Variants in USP43 observed in about 807,000 individuals in gnomAD.
The protein encoded by USP43 is ubiquitin specific peptidase 43, also known as ubiquitin carboxyl-terminal hydrolase 43.
USP43 carries 33 observed loss-of-function variants against 90.7 expected under a neutral mutation model. The ratio of observed to expected loss-of-function variants is 0.36; its 90% CI spans 0.28 to 0.49. The LOEUF (loss-of-function observed/expected upper bound fraction) is 0.49. Ranked by LOEUF, USP43 falls within the 20% of genes least tolerant of loss-of-function variation. The pLI is 0.98. For missense variants in USP43, 1,274 were observed against 1,476.4 expected, an observed-to-expected ratio of 0.86 and a Z score of 2.25; for synonymous variants, 598 against 615.8, an observed-to-expected ratio of 0.97 and a Z score of 0.43.
At chr17:9,718,922 G>T (rs1169995589) in intron 14 of USP43, among the ~76,000 whole-genome samples, 1 of 151,902 alleles carries the variant, frequency 6.6e-6, no homozygotes. Flanking sequence ...GACTTGTCCT[G>T]GCTGGACATT....
In USP43 at chr17:9,659,028, C is replaced by T. The variant is rs535257022; in HGVS notation, c.636+2494C>T. Among the ~76,000 whole-genome samples, 7 of 152,250 alleles carry T rather than the reference C, an allele frequency of 4.6e-5. No individual in the cohort carries two copies. In the East Asian group the frequency reaches 1.3e-3, roughly 29 times the overall value. Reference sequence around the variant, plus strand: ...AAGAATGGAATATTCTAATTGGGTGCAGCTGGGTTGCATGCCTGTGGGGGT... The same window carrying T: ...AAGAATGGAATATTCTAATTGGGTGTAGCTGGGTTGCATGCCTGTGGGGGT... On this transcript the variant is annotated intron_variant, in intron 2 of 14. Coordinates refer to ENST00000285199, the MANE Select transcript of USP43 (RefSeq NM_153210.5).
rs1022843265 is a variant in USP43 at position 9,646,010 on chromosome 17, C to G, written c.378C>G (p.Ala126=). 2.0e-6 allele frequency: 3 copies of G among 1,486,444 alleles called. No homozygotes were observed. The highest frequency in any genetic ancestry group is 2.6e-5 in the South Asian group (2 of 76,644). 92.1% of individuals were successfully genotyped at this position (1,486,444 alleles called of 1,614,324 possible). The change falls in exon 1 of 15, where the codon GCC becomes GCG. Residue 126 remains alanine, a synonymous_variant. Coordinates refer to ENST00000285199, the MANE Select transcript of USP43 (RefSeq NM_153210.5). ...VQCLSNTDLL[A]EFLALGRYRA... ...GTCTCAGCAACACCGACCTGCTGGC[C>G]GAGTTCCTGGCGCTGGGGCGCTACC... is the stretch of plus-strand genomic sequence containing the variant.
intron 5 of USP43, among the ~76,000 whole-genome samples, chr17:9,679,860 A>T (rs955976816): frequency 6.6e-6 from 1 of 151,860 alleles, no homozygotes; most frequent in Non-Finnish European, 1.5e-5. Context: ...TTTGGTAAAA[A>T]TTTTTTTTAT....
rs1326815655 is a variant in USP43, at chr17:9,674,872, C to G, written c.741-19C>G. ...TTTACGTGTGATTAAACGTTCGCCTCTGTTCTTCACCCTCACAGATCTTCC... is the reference window on the plus strand; with the variant it reads ...TTTACGTGTGATTAAACGTTCGCCTGTGTTCTTCACCCTCACAGATCTTCC... On this transcript the variant is annotated intron_variant, in intron 3 of 14. Coordinates refer to ENST00000285199, the MANE Select transcript of USP43 (RefSeq NM_153210.5). The surrounding 1 kb of genome is among the most constrained non-coding windows in gnomAD (Gnocchi z 4.4). 6.2e-7 allele frequency: 1 copy of G among 1,609,164 alleles called. No homozygotes were observed.
At chr17:9,683,187 C>A (rs569581876) in intron 7 of USP43, among the ~76,000 whole-genome samples, 1 of 152,286 alleles carries the variant, frequency 6.6e-6, no homozygotes, top group Non-Finnish European at 1.5e-5. Flanking sequence ...ATCGGAGGAA[C>A]AATTTTTACT....
chr17:9,661,916 G>A (rs945158372), intron 2 of USP43, among the ~76,000 whole-genome samples: 1 of 152,134 alleles, frequency 6.6e-6, no homozygotes, highest in African/African-American at 2.4e-5. Flanking sequence ...ACCGACCTGA[G>A]CTGACTCCAA....
rs1430686960 is a variant in USP43, at chr17:9,729,180, G to A, written c.*190G>A. 2 of 449,068 alleles carry A rather than the reference G, an allele frequency of 4.5e-6. No individual in the cohort carries two copies. The highest frequency in any genetic ancestry group is 7.4e-6 in the Non-Finnish European group (2 of 270,822). 27.8% of individuals were successfully genotyped at this position (449,068 alleles called of 1,614,324 possible). On this transcript the variant is annotated 3_prime_UTR_variant, in exon 15 of 15. Transcript: ENST00000285199. Reference sequence around the variant, plus strand: ...ACACCCAAGGTCCATATAACCCAAGGTCGAAAACCTTCCTGCATCATTGGG... The same window carrying A: ...ACACCCAAGGTCCATATAACCCAAGATCGAAAACCTTCCTGCATCATTGGG...
At chr17:9,645,481 GC>G (rs1008508743), upstream of USP43, 57 of 726,586 alleles carry the variant, frequency 7.8e-5, no homozygotes, top group African/African-American at 9.3e-4. This position sits in a 1 kb window ranked among gnomAD's most constrained non-coding sequence, Gnocchi z 6.8. Context: ...GGGCGGGGCT[GC>G]CCCGCCCTTG....
At chr17:9,658,352 A>G (rs1048246720) in intron 2 of USP43, among the ~76,000 whole-genome samples, 1 of 152,096 alleles carries the variant, frequency 6.6e-6, no homozygotes. Context: ...CTCCCTTAAA[A>G]TGTCAACTTA....
chr17:9,674,738 C>T lies in USP43; in HGVS notation c.741-153C>T, dbSNP rs1913652647. On this transcript the variant is annotated intron_variant, in intron 3 of 14. Transcript: ENST00000285199. This position sits in a 1 kb window ranked among gnomAD's most constrained non-coding sequence, Gnocchi z 4.4. ...TAGAGCAGCTATGAACACTTGTGTA[C>T]AAGTATTTGAACACCTGTTCTCAAT... is the stretch of plus-strand genomic sequence containing the variant. Among the ~76,000 whole-genome samples, 1 of 152,198 alleles carries T rather than the reference C, an allele frequency of 6.6e-6. No individual in the cohort carries two copies. Among genetic ancestry groups the T allele is most frequent in the Non-Finnish European group, 1.5e-5 (1 of 68,036 alleles).
Position 9,711,610 on chromosome 17 carries a change from T to C in USP43, c.2171-358T>C, listed in dbSNP as rs1334719822. Among the ~76,000 whole-genome samples, 3 of 152,032 alleles carry C rather than the reference T, an allele frequency of 2.0e-5. No individual in the cohort carries two copies. In the East Asian group the frequency reaches 5.8e-4, roughly 29 times the overall value. ...ACGCCCAGCTAATTTTTTGTATTTT[T>C]AGTAGAGATGGGATTTCACCACGTT... On this transcript the variant is annotated intron_variant, in intron 13 of 14. Transcript: ENST00000285199.
chr17:9,724,419 C>T (rs1317856485), intron 14 of USP43, among the ~76,000 whole-genome samples: 4 of 152,304 alleles, frequency 2.6e-5, no homozygotes, highest in African/African-American at 9.6e-5. Flanking sequence ...GTGGCTCACG[C>T]CTGTAATCCC....
At chr17:9,720,525 G>A (rs1916888436) in intron 14 of USP43, among the ~76,000 whole-genome samples, 1 of 150,976 alleles carries the variant, frequency 6.6e-6, no homozygotes, top group South Asian at 2.1e-4. Context: ...TTTCACTCTT[G>A]TTGCCCAGGC....
In USP43 at chr17:9,728,396, C is replaced by T. The variant is rs1226588716; in HGVS notation, c.2778C>T (p.Pro926=). The T allele has an allele frequency of 1.2e-6, 2 of 1,608,106 alleles. No individual in the cohort carries two copies. Among genetic ancestry groups the T allele is most frequent in the African/African-American group, 1.3e-5 (1 of 74,742 alleles). The part of the protein sequence containing the change: ...KENAGQDIKL[P]RKFDLPLTVM... ...ATGCAGGGCAGGACATCAAGCTTCC[C>T]AGAAAGTTTGACCTGCCTCTCACTG... The change falls in exon 15 of 15, where the codon CCC becomes CCT. Residue 926 remains proline (P), a synonymous_variant. Transcript: ENST00000285199. The surrounding 1 kb of genome is among the most constrained non-coding windows in gnomAD (Gnocchi z 6.2).
At chr17:9,651,530 T>C (rs1173687890) in intron 1 of USP43, among the ~76,000 whole-genome samples, 1 of 152,238 alleles carries the variant, frequency 6.6e-6, no homozygotes, top group Non-Finnish European at 1.5e-5. Context: ...GTTCTTGTCA[T>C]ATTTGCTACA....
chr17:9,657,688 C>T lies in USP43; in HGVS notation c.636+1154C>T, dbSNP rs182830183. Among the ~76,000 whole-genome samples the T allele has an allele frequency of 5.9e-5, 9 of 151,858 alleles. No individual in the cohort carries two copies. The East Asian group carries it at 1.6e-3, about 26-fold the overall frequency. ...AAGAGAGAGAGTGAGGGGGAACAGCCCTTATAAAACCATCAGATCTCAGGA... is the reference window on the plus strand; with the variant it reads ...AAGAGAGAGAGTGAGGGGGAACAGCTCTTATAAAACCATCAGATCTCAGGA... On this transcript the variant is annotated intron_variant, in intron 2 of 14. Coordinates refer to ENST00000285199, the MANE Select transcript of USP43 (RefSeq NM_153210.5).
At chr17:9,676,994 A>G (rs1054065317) in intron 5 of USP43, 113 bp downstream of exon 5, 2 of 1,357,330 alleles carry the variant, frequency 1.5e-6, no homozygotes, top group Admixed American at 2.7e-5. Flanking sequence ...AGTATGACTC[A>G]TGGGTTTCTG....
intron 3 of USP43, among the ~76,000 whole-genome samples, chr17:9,668,669 A>G (rs1266538352): frequency 6.6e-6 from 1 of 152,120 alleles, no homozygotes; most frequent in Non-Finnish European, 1.5e-5. Flanking sequence ...GGTAAAGAGG[A>G]TCTCACCTCT....
intron 14 of USP43, among the ~76,000 whole-genome samples, chr17:9,724,629 G>A (rs112863738): frequency 0.045 from 6,826 of 151,884 alleles, 257 homozygotes; most frequent in East Asian, 0.21. Context: ...GCAGTGAGCC[G>A]AGATCACACC....
Sources: allele counts gnomAD v4.1 joint callset (sites outside exome capture counted in the v4.1 genomes callset), GRCh38; gene constraint gnomAD v4.1.1; non-coding constraint Gnocchi (gnomAD v3.1); transcripts MANE v1.5; gene names NCBI Gene and HGNC (gene_info 2026-07-23, HGNC 2026-07-21).